JAK2: variants seen among roughly 807,000 people sequenced by gnomAD.
The protein encoded by JAK2 is Janus kinase 2, also known as tyrosine-protein kinase JAK2.
JAK2 carries 86 observed loss-of-function variants against 139.3 expected under a neutral mutation model. The ratio of observed to expected loss-of-function variants is 0.62; its 90% CI spans 0.52 to 0.74. The LOEUF is 0.74. JAK2 is among the 30% of genes least tolerant of loss of function. JAK2 has a pLI of 0.00. For missense variants in JAK2, 1,421 were observed against 1,360.3 expected (o/e 1.04, Z -0.70); for synonymous variants, 490 against 437.7 (o/e 1.12, Z -1.49).
At chr9:5,016,700 A>T (rs1587830320) in intron 2 of JAK2, among the ~76,000 whole-genome samples, 1 of 152,162 alleles carries the variant, frequency 6.6e-6, no homozygotes, top group African/African-American at 2.4e-5. Flanking sequence ...TACTGGCAGG[A>T]GGCACCCCAG....
At chr9:5,055,342 G>C (rs1029804844) in intron 7 of JAK2, among the ~76,000 whole-genome samples, 1 of 151,962 alleles carries the variant, frequency 6.6e-6, no homozygotes, top group Non-Finnish European at 1.5e-5. Context: ...TAGAGATTTA[G>C]AGGGATCATT....
At chr9:5,083,146 A>C (rs963270618) in intron 19 of JAK2, among the ~76,000 whole-genome samples, 2 of 152,206 alleles carry the variant, frequency 1.3e-5, no homozygotes, top group Non-Finnish European at 2.9e-5. Context: ...TCAGTGAAAT[A>C]CAGAAAGGAA....
chr9:5,086,320 C>G (rs960462231), intron 19 of JAK2, among the ~76,000 whole-genome samples: 5 of 152,166 alleles, frequency 3.3e-5, no homozygotes, highest in South Asian at 2.1e-4. Flanking sequence ...TTCTTTATAT[C>G]CTTTACCTTC....
intron 23 of JAK2, among the ~76,000 whole-genome samples, chr9:5,123,854 G>C (rs1823795064): frequency 6.6e-6 from 1 of 150,608 alleles, no homozygotes; most frequent in Admixed American, 6.6e-5. Flanking sequence ...ATTCTGACTG[G>C]AGTCAGACAT....
At chr9:5,111,102 G>C (rs1303907687) in intron 22 of JAK2, 5 of 1,224,164 alleles carry the variant, frequency 4.1e-6, no homozygotes, top group South Asian at 1.3e-5. Flanking sequence ...GCGGCGACCA[G>C]AACAGCTCCT....
At chr9:5,063,300 A>G (rs1818318914) in intron 8 of JAK2, among the ~76,000 whole-genome samples, 1 of 152,156 alleles carries the variant, frequency 6.6e-6, no homozygotes, top group South Asian at 2.1e-4. Context: ...AAAGTAGTGG[A>G]CTTCTCAATA....
At chr9:5,097,401 A>C (rs1180511238) in intron 22 of JAK2, 1 of 152,114 alleles carries the variant, frequency 6.6e-6, no homozygotes, top group African/African-American at 2.4e-5. Flanking sequence ...TTATTCTATC[A>C]GGCTTTGGGA....
intron 12 of JAK2, among the ~76,000 whole-genome samples, chr9:5,071,048 T>TA (rs1818922329): frequency 6.6e-6 from 1 of 152,206 alleles, no homozygotes; most frequent in African/African-American, 2.4e-5. Flanking sequence ...ACTGCGCTTC[T>TA]GGTGAGGAAA....
intron 14 of JAK2, 146 bp from the exon 15 acceptor site, chr9:5,077,307 C>G: frequency 3.6e-6 from 1 of 276,464 alleles, no homozygotes; most frequent in Non-Finnish European, 6.8e-6. Context: ...TGCTGTGTAT[C>G]CATTAAGTTT....
At chr9:5,039,957 G>T (rs559449423) in intron 4 of JAK2, among the ~76,000 whole-genome samples, 2 of 152,130 alleles carry the variant, frequency 1.3e-5, no homozygotes, top group East Asian at 3.9e-4. Context: ...AAATTGACAG[G>T]TTAATCATAA....
At chr9:5,041,821 C>G (rs915805609) in intron 4 of JAK2, 1 of 482,530 alleles carries the variant, frequency 2.1e-6, no homozygotes, top group Non-Finnish European at 4.1e-6. Flanking sequence ...AAAAACCAGG[C>G]GCTGAACTCC....
Position 5,079,818 on chromosome 9 carries a change from CA to C in JAK2, c.2132-401del, listed in dbSNP as rs912309600. 4.4e-4 allele frequency among the ~76,000 whole-genome samples: 65 copies of C among 146,844 alleles called. 1 individual carries two copies. The highest frequency in any genetic ancestry group is 1.8e-3 in the East Asian group (9 of 5,030). On this transcript the variant is annotated intron_variant, in intron 16 of 24. Transcript: ENST00000381652. The stretch of plus-strand genomic sequence containing the variant: ...TGAGTGACACAGTGACACCCTGTCT[CA>C]AAAAAAAAATTTTTTTTTTTTGAAG...
In JAK2 at chr9:5,096,045, T is replaced by C. The variant is rs200412205; in HGVS notation, c.3059+5134T>C. Among the ~76,000 whole-genome samples the C allele has an allele frequency of 3.4e-4, 52 of 152,262 alleles. 1 individual carries two copies. The East Asian group carries it at 9.3e-3, about 27-fold the overall frequency. ...TCATTCAAGAATTTTCAAAAAACAATAGTCTTATTACCCCAACCATTATAG... is the reference window on the plus strand; with the variant it reads ...TCATTCAAGAATTTTCAAAAAACAACAGTCTTATTACCCCAACCATTATAG... On this transcript the variant is annotated intron_variant, in intron 22 of 24. Transcript: ENST00000381652.
At chr9:5,015,425 A>G (rs931815416) in intron 2 of JAK2, among the ~76,000 whole-genome samples, 4 of 152,236 alleles carry the variant, frequency 2.6e-5, no homozygotes, top group Non-Finnish European at 4.4e-5. Context: ...GAGTTGACAT[A>G]TGCACAAATG....
chr9:5,103,998 A>G (rs1284282529), intron 22 of JAK2, among the ~76,000 whole-genome samples: 1 of 152,224 alleles, frequency 6.6e-6, no homozygotes, highest in Non-Finnish European at 1.5e-5. Context: ...TAACATCACA[A>G]TTAAAAGAAC....
At chr9:5,095,779 CAT>C (rs1342139227) in intron 22 of JAK2, among the ~76,000 whole-genome samples, 3 of 152,180 alleles carry the variant, frequency 2.0e-5, no homozygotes, top group African/African-American at 7.2e-5. Flanking sequence ...CTCAATTACT[CAT>C]ATAGGTTGAA....
In JAK2 at chr9:5,090,796, A is replaced by G. The variant is rs1586772722; in HGVS notation, c.2944A>G (p.Ile982Val). The G allele has an allele frequency of 1.2e-6, 2 of 1,613,586 alleles. No individual in the cohort carries two copies. The highest frequency in any genetic ancestry group is 1.7e-6 in the Non-Finnish European group (2 of 1,179,682). ...YIHRDLATRN[I>V]LVENENRVKI... ...CCACAGGGATCTGGCAACGAGAAAT[A>G]TATTGGTGGAGAACGAGAACAGAGT... Residue 982 changes from isoleucine to valine, a missense_variant, in exon 22 of 25, where the codon ATA (isoleucine) becomes GTA (valine). Transcript: ENST00000381652.
intron 16 of JAK2, among the ~76,000 whole-genome samples, chr9:5,079,488 T>C (rs1300266985): frequency 1.4e-5 from 2 of 148,066 alleles, no homozygotes; most frequent in Non-Finnish European, 2.9e-5. Flanking sequence ...AAATGCTTGT[T>C]GGTCCTTGGG....
At chr9:5,114,834 G>GCT (rs1476229213) in intron 22 of JAK2, 1 of 267,428 alleles carries the variant, frequency 3.7e-6, no homozygotes, top group Non-Finnish European at 7.4e-6. Flanking sequence ...CCCCACTAGG[G>GCT]CTCTGTCCAG....
Sources: allele counts gnomAD v4.1 joint callset (sites outside exome capture counted in the v4.1 genomes callset), GRCh38; gene constraint gnomAD v4.1.1; transcripts MANE v1.5; gene names NCBI Gene and HGNC (gene_info 2026-07-23, HGNC 2026-07-21).